Variants in B4GALT1 observed in about 807,000 individuals in gnomAD.
B4GALT1 encodes N-acetyllactosamine synthase.
A neutral mutation model predicts 34.9 loss-of-function variants in B4GALT1; 16 were observed. That is an observed-to-expected ratio of 0.46 (90% confidence interval 0.31 to 0.70). The LOEUF is 0.70. B4GALT1 is among the 30% of genes least tolerant of loss of function. The pLI is 0.05. For synonymous variants in B4GALT1, 221 were observed against 218.1 expected (o/e 1.01, Z -0.12); for missense variants, 445 against 530.5 (o/e 0.84, Z 1.58).
At chr9:33,106,476 A>G (rs950281337), downstream of B4GALT1, among the ~76,000 whole-genome samples, 1 of 152,210 alleles carries the variant, frequency 6.6e-6, no homozygotes, top group African/African-American at 2.4e-5. Context: ...GGGGATGATC[A>G]GGAAGCCTGA....
In B4GALT1 at chr9:33,113,379, A is replaced by G. The variant is rs1839891960; in HGVS notation, c.*75T>C. ...CAGACTGGTAAAAATGAGAGGGACC[A>G]GCCCAGCAGATTGGCAGAGACACAC... On this transcript the variant is annotated 3_prime_UTR_variant, in exon 6 of 6. Transcript: ENST00000379731. The G allele has an allele frequency of 2.5e-6, 4 of 1,606,236 alleles. No homozygotes were observed. Among genetic ancestry groups the G allele is most frequent in the South Asian group, 1.1e-5 (1 of 90,648 alleles).
intron 2 of B4GALT1, among the ~76,000 whole-genome samples, chr9:33,130,644 G>A (rs968574642): frequency 1.3e-5 from 2 of 151,446 alleles, no homozygotes; most frequent in African/African-American, 4.9e-5. Flanking sequence ...GACAGAGTAT[G>A]AGTCATAACA....
At chr9:33,128,290 G>GAA (rs1398170209) in intron 2 of B4GALT1, among the ~76,000 whole-genome samples, 4 of 152,218 alleles carry the variant, frequency 2.6e-5, no homozygotes, top group African/African-American at 7.2e-5. Context: ...GCAAGGGAGA[G>GAA]AGGTGAGGAA....
At chr9:33,166,356 C>G (rs1840752896) in intron 1 of B4GALT1, among the ~76,000 whole-genome samples, 1 of 152,174 alleles carries the variant, frequency 6.6e-6, no homozygotes, top group Non-Finnish European at 1.5e-5. Flanking sequence ...CCGGGAGCCT[C>G]ACGTCAGTCC....
chr9:33,106,735 G>A (rs545750780), downstream of B4GALT1, among the ~76,000 whole-genome samples: 181 of 152,306 alleles, frequency 1.2e-3, no homozygotes, highest in Non-Finnish European at 2.1e-3. Flanking sequence ...TGATGACCCA[G>A]AAATAAATGG....
At chr9:33,125,132 T>C (rs1176548011) in intron 2 of B4GALT1, among the ~76,000 whole-genome samples, 1 of 152,056 alleles carries the variant, frequency 6.6e-6, no homozygotes, top group Admixed American at 6.5e-5. Context: ...CCCAAATGAT[T>C]GAGCAGAGAC....
intron 1 of B4GALT1, among the ~76,000 whole-genome samples, chr9:33,155,357 A>C (rs1000247465): frequency 6.6e-6 from 1 of 152,146 alleles, no homozygotes; most frequent in Non-Finnish European, 1.5e-5. Flanking sequence ...GGCACACAAG[A>C]CTGAGCCCGC....
chr9:33,175,614 A>G, the B4GALT1 span, among the ~76,000 whole-genome samples: 2 of 152,192 alleles, frequency 1.3e-5, no homozygotes, highest in African/African-American at 4.8e-5. Context: ...TATTTTTTAT[A>G]TTTTACAGTG....
chr9:33,184,866 G>T, the B4GALT1 span, among the ~76,000 whole-genome samples: 2 of 152,150 alleles, frequency 1.3e-5, no homozygotes, highest in Non-Finnish European at 2.9e-5. Flanking sequence ...TCCAGAATGA[G>T]ACTAACATCA....
chr9:33,183,528 G>GC, the B4GALT1 span, among the ~76,000 whole-genome samples: 1 of 135,768 alleles, frequency 7.4e-6, no homozygotes, highest in African/African-American at 2.8e-5. Context: ...GTAAACTATC[G>GC]CAAGAACAAA....
At chr9:33,174,412 G>T in the B4GALT1 span, 1 of 152,232 alleles carries the variant, frequency 6.6e-6, no homozygotes, top group Non-Finnish European at 1.5e-5. Flanking sequence ...ACTTTGGGAG[G>T]CTGAGGCAGG....
At position 33,111,737 on chromosome 9, in the gene B4GALT1, C is replaced by T. The variant is rs1168096401; in HGVS notation, c.*1717G>A. Reference sequence around the variant, plus strand: ...GGGATTAGGCAGCTGAGTCTTGGAACCTGAGCCCAGGCTGGACCTGGCAAA... The same window carrying T: ...GGGATTAGGCAGCTGAGTCTTGGAATCTGAGCCCAGGCTGGACCTGGCAAA... On this transcript the variant is annotated 3_prime_UTR_variant, in exon 6 of 6. Transcript: ENST00000379731. 1.3e-5 allele frequency: 2 copies of T among 152,618 alleles called. No individual in the cohort carries two copies. Among genetic ancestry groups the T allele is most frequent in the African/African-American group, 4.8e-5 (2 of 41,460 alleles). The allele number at this position is 152,618 out of a possible 1,614,324, so 9.5% of individuals were successfully genotyped here.
chr9:33,120,954 G>C (rs1408573716), intron 2 of B4GALT1, among the ~76,000 whole-genome samples: 1 of 152,192 alleles, frequency 6.6e-6, no homozygotes, highest in Non-Finnish European at 1.5e-5. Flanking sequence ...CTGTTAAAAA[G>C]AGGCAGCTCT....
Position 33,159,092 on chromosome 9 carries a change from C to T in B4GALT1, c.412+7666G>A, listed in dbSNP as rs114933189. The stretch of plus-strand genomic sequence containing the variant: ...AACGCAAATACCAGCTTCCCTAGGC[C>T]GCACCCTGAACTCCACATCCTTTCC... On this transcript the variant is annotated intron_variant, in intron 1 of 5. Transcript: ENST00000379731. 2.0e-3 allele frequency among the ~76,000 whole-genome samples: 300 copies of T among 152,230 alleles called. 1 individual carries two copies. The highest frequency in any genetic ancestry group is 6.9e-3 in the African/African-American group (288 of 41,522).
intron 1 of B4GALT1, among the ~76,000 whole-genome samples, chr9:33,151,228 A>G (rs1403930052): frequency 6.6e-6 from 1 of 152,246 alleles, no homozygotes; most frequent in Non-Finnish European, 1.5e-5. Flanking sequence ...CAGTGAATTC[A>G]GCCAGAGATT....
chr9:33,113,856 T>C lies in B4GALT1; in HGVS notation c.982A>G (p.Ile328Val), dbSNP rs1405844188. The C allele has an allele frequency of 2.4e-5, 39 of 1,614,056 alleles. No individual in the cohort carries two copies. The highest frequency in any genetic ancestry group is 3.2e-5 in the Non-Finnish European group (38 of 1,180,040). The change falls in exon 5 of 6, where the codon ATA becomes GTA. Residue 328 changes from isoleucine (I) to valine (V), a missense_variant. By Grantham distance (29) the Ile-to-Val change is conservative. Coordinates refer to ENST00000379731, the MANE Select transcript of B4GALT1 (RefSeq NM_001497.4). ...FNRLVFRGMS[I>V]SRPNAVVGRC... The stretch of plus-strand genomic sequence containing the variant: ...CCGACCACAGCATTTGGGCGAGATA[T>C]AGACATGCCTCTAAAAACTAATCTG...
At chr9:33,158,621 G>T (rs1840631230) in intron 1 of B4GALT1, among the ~76,000 whole-genome samples, 2 of 152,154 alleles carry the variant, frequency 1.3e-5, no homozygotes, top group African/African-American at 4.8e-5. Flanking sequence ...TCCAATAAGG[G>T]AGACTGTTCA....
At chr9:33,123,643 T>G (rs1345533287) in intron 2 of B4GALT1, among the ~76,000 whole-genome samples, 3 of 152,236 alleles carry the variant, frequency 2.0e-5, no homozygotes, top group African/African-American at 7.2e-5. Flanking sequence ...GAGGGCTCTT[T>G]GAGGCCATGT....
chr9:33,132,127 GA>G lies in B4GALT1; in HGVS notation c.648+3061del, dbSNP rs111389741. Among the ~76,000 whole-genome samples the G allele has an allele frequency of 6.5e-3, 951 of 146,050 alleles. 12 individuals are homozygous for G. Among genetic ancestry groups the G allele is most frequent in the African/African-American group, 0.022 (889 of 40,184 alleles). ...AAAAAAAAGTATGAGGAAAAGCAAA[GA>G]AAAAAAAAAGATGATATTGACAAGA... On this transcript the variant is annotated intron_variant, in intron 2 of 5. Transcript: ENST00000379731.
Sources: gnomAD v4.1 joint callset for allele counts (sites outside exome capture counted in the v4.1 genomes callset) on GRCh38, gnomAD v4.1.1 for gene constraint, MANE v1.5 for transcripts, NCBI Gene and HGNC (gene_info 2026-07-23, HGNC 2026-07-21) for gene names.